TRIM2: variants seen among roughly 807,000 people sequenced by gnomAD.
TRIM2 encodes the protein tripartite motif-containing protein 2.
A neutral mutation model predicts 75.2 loss-of-function variants in TRIM2; 20 were observed. That is an observed-to-expected ratio of 0.27 (90% confidence interval 0.19 to 0.39). The LOEUF is 0.39. TRIM2 is among the 10% of genes least tolerant of loss of function. The pLI is 1.00. For missense variants in TRIM2, 660 were observed against 990.8 expected, an observed-to-expected ratio of 0.67 and a Z score of 4.48; for synonymous variants, 373 against 388.3, an observed-to-expected ratio of 0.96 and a Z score of 0.46.
chr4:153,313,187 G>A (rs1766741336), intron 6 of TRIM2, among the ~76,000 whole-genome samples: 1 of 152,106 alleles, frequency 6.6e-6, no homozygotes, highest in Admixed American at 6.5e-5. Flanking sequence ...CATTTCACGA[G>A]TGTTCACTGC....
At chr4:153,308,846 C>T (rs1462509809) in intron 6 of TRIM2, 1 of 372,064 alleles carries the variant, frequency 2.7e-6, no homozygotes, top group African/African-American at 2.1e-5. Flanking sequence ...TGCCCCTCTC[C>T]CCTGCCCCAC....
intron 2 of TRIM2, among the ~76,000 whole-genome samples, chr4:153,273,528 C>T (rs1254131709): frequency 6.7e-6 from 1 of 148,252 alleles, no homozygotes; most frequent in Non-Finnish European, 1.5e-5. Context: ...CTCCTGCCCT[C>T]GTGATCCACC....
rs556897779 is a variant in TRIM2 at position 153,244,406 on chromosome 4, T to C, written c.31-25929T>C. ...CTTCTTCTTCTTCTTCTTCTTCTTC[T>C]TCTTCTTCTTCTTCTTCTTCTTCTT... is the stretch of plus-strand genomic sequence containing the variant. On this transcript the variant is annotated intron_variant, in intron 1 of 11. Transcript: ENST00000338700. Among the ~76,000 whole-genome samples the C allele has an allele frequency of 2.0e-4, 18 of 89,618 alleles. No homozygotes were observed. In the South Asian group the frequency reaches 3.0e-3, roughly 15 times the overall value. 58.8% of individuals were successfully genotyped at this position (89,618 alleles called of 152,430 possible). A position where few individuals can be genotyped will look rare whatever the true frequency, so the allele number is the denominator to read the frequency against.
chr4:153,257,700 G>C (rs1752412700), intron 1 of TRIM2: 1 of 844,086 alleles, frequency 1.2e-6, no homozygotes, highest in Non-Finnish European at 1.7e-6. Context: ...CCGCGTAGCT[G>C]CAGCGACAGA....
intron 8 of TRIM2, among the ~76,000 whole-genome samples, chr4:153,322,403 T>A (rs1156608186): frequency 6.6e-6 from 1 of 152,100 alleles, no homozygotes; most frequent in African/African-American, 2.4e-5. Context: ...AGAATGAGAC[T>A]TCGTCTCAAA....
At chr4:153,322,534 C>T in intron 8 of TRIM2, 114 bp from the exon 9 acceptor site, 5 of 1,160,858 alleles carry the variant, frequency 4.3e-6, no homozygotes, top group Admixed American at 2.7e-5. Context: ...TAGCTGTGTA[C>T]CCGTTTGAAC....
intron 1 of TRIM2, among the ~76,000 whole-genome samples, chr4:153,239,834 C>CTTTTTTTTTTTT (rs372940429): frequency 8.5e-6 from 1 of 117,700 alleles, no homozygotes; most frequent in African/African-American, 3.7e-5. Context: ...CTTTCTTTCT[C>CTTTTTTTTTTTT]TTTTTTTTTT....
At chr4:153,241,016 G>A (rs577998980) in intron 1 of TRIM2, among the ~76,000 whole-genome samples, 64 of 152,340 alleles carry the variant, frequency 4.2e-4, no homozygotes, top group African/African-American at 1.5e-3. Flanking sequence ...GGCGGAGGTT[G>A]CAGTGAGCCG....
At chr4:153,208,564 A>G (rs1455143737) in intron 1 of TRIM2, among the ~76,000 whole-genome samples, 2 of 152,182 alleles carry the variant, frequency 1.3e-5, no homozygotes, top group Non-Finnish European at 2.9e-5. Context: ...AGACCAGAAC[A>G]TAGGTCAAAC....
At chr4:153,328,758 C>T (rs986947890) in intron 11 of TRIM2, 88 bp downstream of exon 11, 3 of 1,419,230 alleles carry the variant, frequency 2.1e-6, no homozygotes, top group Non-Finnish European at 2.8e-6. Context: ...GGAATGTTTT[C>T]TCTTTTCCAT....
intron 1 of TRIM2, among the ~76,000 whole-genome samples, chr4:153,211,896 A>G (rs993065171): frequency 6.6e-6 from 1 of 152,122 alleles, no homozygotes; most frequent in African/African-American, 2.4e-5. Flanking sequence ...AAATTTAAAT[A>G]TACTTTTCTA....
intron 1 of TRIM2, among the ~76,000 whole-genome samples, chr4:153,253,847 C>T (rs1751424620): frequency 6.6e-6 from 1 of 152,202 alleles, no homozygotes; most frequent in Non-Finnish European, 1.5e-5. Flanking sequence ...TAATCCACCC[C>T]TTGTTTAGCA....
chr4:153,242,751 T>C (rs1317303085), intron 1 of TRIM2, among the ~76,000 whole-genome samples: 1 of 152,188 alleles, frequency 6.6e-6, no homozygotes, highest in Non-Finnish European at 1.5e-5. Context: ...GAGAGGACGC[T>C]GGGGCAGATG....
intron 1 of TRIM2, among the ~76,000 whole-genome samples, chr4:153,227,417 G>A (rs753402321): frequency 1.3e-5 from 2 of 152,154 alleles, no homozygotes; most frequent in Admixed American, 6.5e-5. Flanking sequence ...TTAATTAAGA[G>A]GATGAGATCG....
intron 3 of TRIM2, among the ~76,000 whole-genome samples, chr4:153,282,973 G>A (rs1759704268): frequency 6.6e-6 from 1 of 151,728 alleles, no homozygotes; most frequent in Non-Finnish European, 1.5e-5. Flanking sequence ...TTAAGAGATA[G>A]GTTTTGCTAT....
chr4:153,218,501 G>T (rs1267340004), intron 1 of TRIM2, among the ~76,000 whole-genome samples: 1 of 152,122 alleles, frequency 6.6e-6, no homozygotes, highest in Non-Finnish European at 1.5e-5. Context: ...GAGCCACTGT[G>T]CCCGATCTAT....
chr4:153,281,461 A>G (rs1299103125), intron 3 of TRIM2, among the ~76,000 whole-genome samples: 1 of 152,262 alleles, frequency 6.6e-6, no homozygotes, highest in Non-Finnish European at 1.5e-5. Flanking sequence ...TTGTTTGATT[A>G]TAGATTGTAG....
intron 1 of TRIM2, among the ~76,000 whole-genome samples, chr4:153,224,419 G>T (rs896716148): frequency 6.6e-6 from 1 of 152,086 alleles, no homozygotes; most frequent in Admixed American, 6.6e-5. Context: ...GGCCTGTTCT[G>T]GGCTAGGTAC....
intron 1 of TRIM2, among the ~76,000 whole-genome samples, chr4:153,171,233 G>A (rs180883980): frequency 4.4e-4 from 67 of 152,316 alleles, no homozygotes; most frequent in Admixed American, 1.2e-3. Context: ...CATGTCTGAT[G>A]TAGCTCTGCA....
Sources: allele counts gnomAD v4.1 joint callset (sites outside exome capture counted in the v4.1 genomes callset), GRCh38; gene constraint gnomAD v4.1.1; transcripts MANE v1.5; gene names NCBI Gene and HGNC (gene_info 2026-07-23, HGNC 2026-07-21).